The following ASXL1 variants were observed in gnomAD, a reference collection of about 807,000 sequenced individuals.
The protein encoded by ASXL1 is polycomb group protein ASXL1.
A neutral mutation model predicts 89.1 loss-of-function variants in ASXL1; 65 were observed. That is an observed-to-expected ratio of 0.73 (90% CI 0.60 to 0.90). The LOEUF is 0.90. ASXL1 is among the 40% of genes least tolerant of loss of function. The pLI, the probability that ASXL1 is intolerant of heterozygous loss-of-function variation, is 0.00. For synonymous variants in ASXL1, 739 were observed against 746.9 expected, an observed-to-expected ratio of 0.99 and a Z score of 0.17; for missense variants, 1,786 against 1,942.9, an observed-to-expected ratio of 0.92 and a Z score of 1.52.
At chr20:32,366,316 A>T (rs2122808020) in intron 1 of ASXL1, 68 bp from the exon 2 acceptor site, 1 of 1,378,500 alleles carries the variant, frequency 7.3e-7, no homozygotes. Flanking sequence ...ACTTTAGCCC[A>T]TGATATATGG....
chr20:32,426,032 G>T (rs1298034800), intron 4 of ASXL1, among the ~76,000 whole-genome samples: 1 of 152,162 alleles, frequency 6.6e-6, no homozygotes, highest in Non-Finnish European at 1.5e-5. Flanking sequence ...CTAAATACAA[G>T]TTCTTTATTG....
chr20:32,391,589 A>T (rs2048671940), intron 4 of ASXL1, among the ~76,000 whole-genome samples: 3 of 152,204 alleles, frequency 2.0e-5, no homozygotes, highest in Non-Finnish European at 4.4e-5. Context: ...TTCCAGGCTC[A>T]AGCGATCCTC....
chr20:32,425,109 A>C (rs2011237711), intron 4 of ASXL1, among the ~76,000 whole-genome samples: 1 of 152,214 alleles, frequency 6.6e-6, no homozygotes, highest in African/African-American at 2.4e-5. Flanking sequence ...TCACAAACGG[A>C]ATCATCAACT....
At chr20:32,407,665 A>G (rs146725562) in intron 4 of ASXL1, among the ~76,000 whole-genome samples, 28 of 152,122 alleles carry the variant, frequency 1.8e-4, no homozygotes, top group African/African-American at 6.5e-4. Flanking sequence ...ACGTCTCACT[A>G]TGTTGCCTAG....
chr20:32,377,293 A>G (rs1382560478), intron 4 of ASXL1, among the ~76,000 whole-genome samples: 1 of 150,226 alleles, frequency 6.7e-6, no homozygotes, highest in Non-Finnish European at 1.5e-5. Flanking sequence ...CCAGAATTAT[A>G]TTTTATCTAC....
intron 4 of ASXL1, among the ~76,000 whole-genome samples, chr20:32,390,586 C>T (rs2048654182): frequency 6.6e-6 from 1 of 152,040 alleles, no homozygotes; most frequent in African/African-American, 2.4e-5. Flanking sequence ...GCTCCTCCTG[C>T]CTCAGCCTCC....
intron 4 of ASXL1, among the ~76,000 whole-genome samples, chr20:32,417,447 T>G (rs2049157265): frequency 1.3e-5 from 2 of 152,224 alleles, no homozygotes; most frequent in South Asian, 4.1e-4. Context: ...CTCTTCCTTT[T>G]CTTTCGTTGA....
intron 4 of ASXL1, among the ~76,000 whole-genome samples, chr20:32,411,669 G>A (rs1240255179): frequency 6.7e-6 from 1 of 150,308 alleles, no homozygotes. Context: ...AGCCTCACAA[G>A]TAGCTGGGAT....
chr20:32,431,190 G>T, intron 8 of ASXL1, 131 bp from the exon 9 acceptor site: 1 of 1,087,722 alleles, frequency 9.2e-7, no homozygotes, highest in Non-Finnish European at 1.4e-6. Context: ...AGGATGGACT[G>T]GACAATTGAG....
In ASXL1 at chr20:32,369,228, A is replaced by G; in HGVS notation, c.252+105A>G. 3.8e-6 allele frequency: 4 copies of G among 1,063,764 alleles called. No homozygotes were observed. In the South Asian group the frequency reaches 3.8e-5, roughly 10 times the overall value. The allele number at this position is 1,063,764 out of a possible 1,614,324, so 65.9% of individuals were successfully genotyped here. A position where few individuals can be genotyped will look rare whatever the true frequency, so the allele number is the denominator to read the frequency against. On this transcript the variant is annotated intron_variant, in intron 4 of 12. Transcript: ENST00000375687. ...TAGGGGCCATGAATTTGCATTTCTC[A>G]TATGCAGTCAGGTGACACTGATGTT...
At chr20:32,379,751 G>A (rs1292275888) in intron 4 of ASXL1, among the ~76,000 whole-genome samples, 4 of 151,594 alleles carry the variant, frequency 2.6e-5, no homozygotes, top group African/African-American at 7.3e-5. Context: ...ACTTGAACCC[G>A]GGAGGCAGAG....
chr20:32,364,365 G>A (rs752971143), intron 1 of ASXL1, among the ~76,000 whole-genome samples: 8 of 151,548 alleles, frequency 5.3e-5, no homozygotes, highest in Non-Finnish European at 7.4e-5. Context: ...ACGGGCATGA[G>A]CCACCATGCC....
intron 4 of ASXL1, among the ~76,000 whole-genome samples, chr20:32,390,840 G>C (rs1247806777): frequency 6.6e-6 from 1 of 152,118 alleles, no homozygotes; most frequent in Non-Finnish European, 1.5e-5. Context: ...TTTACTTAGT[G>C]TGAAGTATTT....
chr20:32,393,330 A>G lies in ASXL1; in HGVS notation c.252+24207A>G, dbSNP rs949565984. On this transcript the variant is annotated intron_variant, in intron 4 of 12. Transcript: ENST00000375687. ...ATTAGTGTTTGGCATATATTTTTAT[A>G]TTTTAAAAAAACTTATCACCTGTGT... Among the ~76,000 whole-genome samples, 8 of 152,096 alleles carry G rather than the reference A, an allele frequency of 5.3e-5. No individual in the cohort carries two copies. The South Asian group carries it at 1.0e-3, about 20-fold the overall frequency.
chr20:32,410,931 G>A (rs1445886383), intron 4 of ASXL1, among the ~76,000 whole-genome samples: 1 of 151,052 alleles, frequency 6.6e-6, no homozygotes, highest in African/African-American at 2.4e-5. Flanking sequence ...CTGGGGGAGG[G>A]TGAGGCAGGA....
chr20:32,415,423 A>G (rs974434972), intron 4 of ASXL1, among the ~76,000 whole-genome samples: 3 of 152,150 alleles, frequency 2.0e-5, no homozygotes, highest in African/African-American at 7.2e-5. Flanking sequence ...GTTCAGTTTA[A>G]TCAGAATATA....
chr20:32,427,517 C>G (rs2011357018), intron 4 of ASXL1: 1 of 165,970 alleles, frequency 6.0e-6, no homozygotes, highest in Admixed American at 5.6e-5. Context: ...GAGTTCCCCA[C>G]AGCCCTAGTT....
At position 32,435,727 on chromosome 20, in the gene ASXL1, TGAAGG is replaced by T. The variant is rs1184266054; in HGVS notation, c.3016_3020del (p.Glu1006SerfsTer8). ...AGTCCACGGATACAGCCTCTGACTT[TGAAGG>T]TCACCTCACGGAGGACAGCAGTGAG... On this transcript the variant is annotated frameshift_variant, in exon 13 of 13. Coordinates refer to ENST00000375687, the MANE Select transcript of ASXL1 (RefSeq NM_015338.6). LOFTEE classifies it low-confidence loss of function (END_TRUNC). 6.2e-7 allele frequency: 1 copy of T among 1,614,096 alleles called. No individual in the cohort carries two copies. The highest frequency in any genetic ancestry group is 8.5e-7 in the Non-Finnish European group (1 of 1,180,010).
chr20:32,416,385 AC>A (rs1463814782), intron 4 of ASXL1, among the ~76,000 whole-genome samples: 1 of 152,110 alleles, frequency 6.6e-6, no homozygotes, highest in African/African-American at 2.4e-5. Flanking sequence ...TTTATGCCAA[AC>A]CCCAATCCCT....
Sources: gnomAD v4.1 joint callset for allele counts (sites outside exome capture counted in the v4.1 genomes callset) on GRCh38, gnomAD v4.1.1 for gene constraint, MANE v1.5 for transcripts, NCBI Gene and HGNC (gene_info 2026-07-23, HGNC 2026-07-21) for gene names.